Variants in SUCLG2 observed in about 807,000 individuals in gnomAD.
SUCLG2 encodes the protein succinate-CoA ligase GDP-forming subunit beta.
In SUCLG2, 42 loss-of-function variants were observed where a neutral mutation model predicts 47.9. The observed-to-expected ratio is 0.88, with a 90% CI of 0.69 to 1.14. SUCLG2 has a LOEUF of 1.14. Ranked by LOEUF, SUCLG2 falls within the 50% of genes most tolerant of loss-of-function variation. The pLI is 0.00. For synonymous variants in SUCLG2, 195 were observed against 197.3 expected (o/e 0.99, Z 0.10); for missense variants, 571 against 525.9 (o/e 1.09, Z -0.84).
At chr3:67,515,219 T>C (rs1037358711) in intron 6 of SUCLG2, among the ~76,000 whole-genome samples, 14 of 152,164 alleles carry the variant, frequency 9.2e-5, no homozygotes, top group Non-Finnish European at 2.9e-5. Context: ...GTACCTAATT[T>C]ATAAGTCAAA....
chr3:67,472,805 G>A (rs1301181233), intron 9 of SUCLG2, among the ~76,000 whole-genome samples: 1 of 152,110 alleles, frequency 6.6e-6, no homozygotes, highest in Non-Finnish European at 1.5e-5. Context: ...TCTCCAAGGC[G>A]GGCTGGAGTG....
At chr3:67,536,526 T>A (rs1706547302) in intron 2 of SUCLG2, among the ~76,000 whole-genome samples, 1 of 152,226 alleles carries the variant, frequency 6.6e-6, no homozygotes, top group Admixed American at 6.5e-5. Context: ...CTGCCAGTTT[T>A]CACACTAAAC....
At chr3:67,614,531 G>T (rs1181685860) in intron 1 of SUCLG2, among the ~76,000 whole-genome samples, 1 of 151,850 alleles carries the variant, frequency 6.6e-6, no homozygotes, top group Admixed American at 6.6e-5. Flanking sequence ...CCAAGCCTGT[G>T]TGCCTTACAA....
chr3:67,447,890 G>A (rs1351310945), intron 9 of SUCLG2, among the ~76,000 whole-genome samples: 2 of 151,882 alleles, frequency 1.3e-5, no homozygotes, highest in African/African-American at 2.4e-5. Flanking sequence ...CACCATGGCC[G>A]GCTAATTTTT....
chr3:67,382,460 T>C lies in SUCLG2; in HGVS notation c.1184-6601A>G, dbSNP rs532346903. On this transcript the variant is annotated intron_variant, in intron 10 of 10. Transcript: ENST00000307227. The stretch of plus-strand genomic sequence containing the variant: ...AATTTGCTTGGATCAAACAACCAGT[T>C]AACCCTGACAGGTCTGATTCTTGGT... 4.3e-4 allele frequency among the ~76,000 whole-genome samples: 66 copies of C among 152,322 alleles called. 1 individual carries two copies. The South Asian group carries it at 0.013, about 29-fold the overall frequency.
chr3:67,640,632 C>A (rs1460491473), intron 1 of SUCLG2, among the ~76,000 whole-genome samples: 3 of 152,086 alleles, frequency 2.0e-5, no homozygotes, highest in African/African-American at 7.3e-5. Flanking sequence ...AATATTATTG[C>A]TGGCTAATTT....
At chr3:67,368,899 C>T (rs1234369514) in intron 10 of SUCLG2, among the ~76,000 whole-genome samples, 1 of 152,138 alleles carries the variant, frequency 6.6e-6, no homozygotes, top group Non-Finnish European at 1.5e-5. Context: ...AGCCACCAGG[C>T]CCGGCTGGCA....
At chr3:67,518,555 G>C (rs1706013479) in intron 5 of SUCLG2, among the ~76,000 whole-genome samples, 1 of 152,156 alleles carries the variant, frequency 6.6e-6, no homozygotes. Context: ...AATTCTTCAT[G>C]GTGGCATGCT....
chr3:67,431,199 C>A (rs548149864), intron 9 of SUCLG2, among the ~76,000 whole-genome samples: 1 of 152,084 alleles, frequency 6.6e-6, no homozygotes, highest in Non-Finnish European at 1.5e-5. Flanking sequence ...AGGCAAAAAT[C>A]CTCAATAAAA....
intron 2 of SUCLG2, among the ~76,000 whole-genome samples, chr3:67,546,073 G>T (rs1198491317): frequency 6.6e-6 from 1 of 152,102 alleles, no homozygotes; most frequent in African/African-American, 2.4e-5. Flanking sequence ...ATCTCTTCTG[G>T]CACTTTCTGC....
chr3:67,477,251 C>G (rs1193074705), intron 9 of SUCLG2, among the ~76,000 whole-genome samples: 2 of 152,130 alleles, frequency 1.3e-5, no homozygotes, highest in African/African-American at 4.8e-5. Context: ...ATGTGGAGTG[C>G]TGAAAACTCC....
chr3:67,575,367 CTT>C (rs769538376), intron 2 of SUCLG2, among the ~76,000 whole-genome samples: 1 of 152,188 alleles, frequency 6.6e-6, no homozygotes, highest in Non-Finnish European at 1.5e-5. Context: ...AGAAATAACT[CTT>C]GATATATGCC....
intron 2 of SUCLG2, among the ~76,000 whole-genome samples, chr3:67,533,325 A>G (rs1367776817): frequency 1.3e-5 from 2 of 152,202 alleles, no homozygotes; most frequent in Non-Finnish European, 2.9e-5. Context: ...TGATACTGCA[A>G]TGAGATGACT....
intron 10 of SUCLG2, among the ~76,000 whole-genome samples, chr3:67,390,345 T>G (rs926368872): frequency 1.3e-5 from 2 of 152,204 alleles, no homozygotes; most frequent in Non-Finnish European, 2.9e-5. Flanking sequence ...GAGAAAAGTT[T>G]TAATCAATCA....
intron 9 of SUCLG2, among the ~76,000 whole-genome samples, chr3:67,410,629 T>C (rs1402840565): frequency 6.6e-6 from 1 of 151,976 alleles, no homozygotes; most frequent in Non-Finnish European, 1.5e-5. Context: ...GTGTTTAAAA[T>C]AAATCATGCA....
chr3:67,634,777 T>C (rs549371830), intron 1 of SUCLG2, among the ~76,000 whole-genome samples: 6 of 152,330 alleles, frequency 3.9e-5, no homozygotes, highest in Non-Finnish European at 7.3e-5. Context: ...GTATTTTTCA[T>C]ATTTATCTTC....
chr3:67,529,200 A>G lies in SUCLG2; in HGVS notation c.227-14T>C. On this transcript the variant is annotated splice_polypyrimidine_tract_variant and intron_variant, in intron 2 of 10. Transcript: ENST00000307227. ...TTTCTTTTGCATCTGAAAAAGAAAA[A>G]TCCAGAGTTGGTAGCTGATTTTAAA... The G allele has an allele frequency of 6.3e-7, 1 of 1,597,090 alleles. No individual in the cohort carries two copies.
chr3:67,376,277 G>A (rs1338769883), intron 10 of SUCLG2: 1 of 985,326 alleles, frequency 1.0e-6, no homozygotes, highest in Non-Finnish European at 1.2e-6. Context: ...CAAATCCACT[G>A]CTTTGGAGAC....
chr3:67,455,689 A>C (rs1441616670), intron 9 of SUCLG2, among the ~76,000 whole-genome samples: 2 of 152,158 alleles, frequency 1.3e-5, no homozygotes, highest in Non-Finnish European at 2.9e-5. Flanking sequence ...GGTGGAGGAA[A>C]AAAAAAACAC....
Sources: allele counts gnomAD v4.1 joint callset (sites outside exome capture counted in the v4.1 genomes callset), GRCh38; gene constraint gnomAD v4.1.1; transcripts MANE v1.5; gene names NCBI Gene and HGNC (gene_info 2026-07-23, HGNC 2026-07-21).